The following DAG1 variants were observed in gnomAD, a reference collection of about 807,000 sequenced individuals.
DAG1 encodes dystroglycan 1 (dystrophin-associated glycoprotein 1).
A neutral mutation model predicts 46.1 loss-of-function variants in DAG1; 8 were observed. The ratio of observed to expected loss-of-function variants is 0.17; its 90% CI spans 0.10 to 0.31. DAG1 has a LOEUF of 0.31. DAG1 is among the 10% of genes least tolerant of loss of function. The pLI is 1.00. For synonymous variants in DAG1, 495 were observed against 481.8 expected (o/e 1.03, Z -0.36); for missense variants, 1,003 against 1,189.9 (o/e 0.84, Z 2.31).
At chr3:49,506,305 A>T (rs1041128853) in intron 1 of DAG1, among the ~76,000 whole-genome samples, 2 of 152,156 alleles carry the variant, frequency 1.3e-5, no homozygotes, top group African/African-American at 4.8e-5. Context: ...ACTTTATTGC[A>T]CTAGCTAGAA....
intron 1 of DAG1, among the ~76,000 whole-genome samples, chr3:49,499,649 A>G (rs1441218044): frequency 6.6e-6 from 1 of 152,196 alleles, no homozygotes; most frequent in East Asian, 1.9e-4. Flanking sequence ...CTGTCTGGAC[A>G]GAATGGGGTC....
chr3:49,493,075 T>C (rs2050230057), intron 1 of DAG1: 1 of 141,892 alleles, frequency 7.0e-6, no homozygotes, highest in African/African-American at 2.6e-5. Context: ...GACAGGGTCT[T>C]GCTCAGTCAC....
At chr3:49,516,431 G>A (rs1344621554) in intron 2 of DAG1, among the ~76,000 whole-genome samples, 1 of 152,226 alleles carries the variant, frequency 6.6e-6, no homozygotes, top group East Asian at 1.9e-4. Context: ...CTATGGTCTT[G>A]CCGTGTTTTG....
At chr3:49,492,400 A>G (rs2050212935) in intron 1 of DAG1, among the ~76,000 whole-genome samples, 1 of 152,172 alleles carries the variant, frequency 6.6e-6, no homozygotes, top group Non-Finnish European at 1.5e-5. Context: ...TAATCCCAGC[A>G]TTTTAGGAGG....
rs879577858 is a variant in DAG1 at position 49,501,916 on chromosome 3, C to T, written c.-116-8503C>T. 3.9e-5 allele frequency among the ~76,000 whole-genome samples: 6 copies of T among 152,098 alleles called. No homozygotes were observed. The East Asian group carries it at 5.8e-4, about 15-fold the overall frequency. On this transcript the variant is annotated intron_variant, in intron 1 of 2. Coordinates refer to ENST00000308775, the MANE Select transcript of DAG1 (RefSeq NM_004393.6). ...ACTGTAGGCCAAGCACAGTGGCTCA[C>T]GCCTGTTCCCAACACTTTGGGAGGC... is the stretch of plus-strand genomic sequence containing the variant.
intron 1 of DAG1, among the ~76,000 whole-genome samples, chr3:49,484,532 A>G (rs1379707385): frequency 6.6e-6 from 1 of 152,164 alleles, no homozygotes; most frequent in Non-Finnish European, 1.5e-5. Context: ...CTGAAGATAA[A>G]AATGGCTCCG....
intron 2 of DAG1, among the ~76,000 whole-genome samples, chr3:49,512,136 T>A (rs1228083655): frequency 6.6e-6 from 1 of 151,862 alleles, no homozygotes; most frequent in African/African-American, 2.4e-5. Flanking sequence ...GGCTTAAGCC[T>A]TCTTCCCTCT....
rs1019413076 is a variant in DAG1, at chr3:49,532,619, C to T, written c.2108C>T (p.Thr703Ile). The T allele has an allele frequency of 1.9e-6, 3 of 1,613,324 alleles. No individual in the cohort carries two copies. Among genetic ancestry groups the T allele is most frequent in the Admixed American group, 1.7e-5 (1 of 59,988 alleles). The stretch of plus-strand genomic sequence containing the variant: ...GCCCTAGAGCCTGACTTTAAGGCCA[C>T]AAGCATCACTGTGACGGGCTCTGGC... The part of the protein sequence containing the change: ...SNALEPDFKA[T>I]SITVTGSGSC... Residue 703 changes from threonine (T) to isoleucine (I), a missense_variant, in exon 3 of 3, where the codon ACA becomes ATA. Physicochemically the swap from Thr to Ile is moderately conservative, Grantham distance 89 (BLOSUM62 -1). Around this residue, in one of 3 missense-constraint regions of DAG1, gnomAD observed 755 missense variants for 854.1 expected, o/e 0.88. Transcript: ENST00000308775. The surrounding 1 kb of genome is among the most constrained non-coding windows in gnomAD (Gnocchi z 5.4).
chr3:49,487,837 C>G (rs1426297170), intron 1 of DAG1, among the ~76,000 whole-genome samples: 1 of 151,692 alleles, frequency 6.6e-6, no homozygotes, highest in African/African-American at 2.4e-5. Context: ...TTAGCTGGGA[C>G]TACAACAGGC....
intron 2 of DAG1, among the ~76,000 whole-genome samples, chr3:49,522,267 G>A (rs1405046897): frequency 6.6e-6 from 1 of 150,880 alleles, no homozygotes; most frequent in African/African-American, 2.4e-5. Context: ...CCTGACCTCA[G>A]GTGATCCGCT....
chr3:49,470,110 C>G (rs2049463819), upstream of DAG1: 2 of 151,488 alleles, frequency 1.3e-5, no homozygotes, highest in South Asian at 4.1e-4. Context: ...GCGGGTGCGG[C>G]GCGCTGCGGA....
At chr3:49,530,687 A>G in intron 2 of DAG1, 110 bp from the exon 3 acceptor site, 2 of 1,503,206 alleles carry the variant, frequency 1.3e-6, no homozygotes, top group Non-Finnish European at 1.8e-6. Flanking sequence ...CCCAGCAGGC[A>G]TTCTGAATTA....
rs374662670 is a variant in DAG1 at position 49,479,676 on chromosome 3, C to T, written c.-117+9243C>T. Among the ~76,000 whole-genome samples the T allele has an allele frequency of 5.6e-4, 56 of 99,198 alleles. 1 individual carries two copies. The highest frequency in any genetic ancestry group is 0.012 in the Middle Eastern group (1 of 82). The allele number at this position is 99,198 out of a possible 152,430, so 65.1% of individuals were successfully genotyped here. ...TTTTTGAGACCGAGTCTCCCTCTGT[C>T]ACCTGGGCTGGAGTGCAGTGGCTCG... On this transcript the variant is annotated intron_variant, in intron 1 of 2. Coordinates refer to ENST00000308775, the MANE Select transcript of DAG1 (RefSeq NM_004393.6).
At chr3:49,489,886 G>A (rs1303352606) in intron 1 of DAG1, among the ~76,000 whole-genome samples, 4 of 151,856 alleles carry the variant, frequency 2.6e-5, no homozygotes, top group African/African-American at 7.3e-5. Flanking sequence ...TGGACAAAGC[G>A]CTGGGGTTTG....
At chr3:49,482,079 A>T (rs2049897007) in intron 1 of DAG1, among the ~76,000 whole-genome samples, 1 of 152,204 alleles carries the variant, frequency 6.6e-6, no homozygotes, top group South Asian at 2.1e-4. Flanking sequence ...ATACAGGAAG[A>T]TGTTTAAGGG....
At position 49,531,953 on chromosome 3, in the gene DAG1, GCAC is replaced by G. The variant is rs1559579465; in HGVS notation, c.1451_1453del (p.Thr484del). The G allele has an allele frequency of 6.2e-7, 1 of 1,614,112 alleles. No individual in the cohort carries two copies. Among genetic ancestry groups the G allele is most frequent in the Admixed American group, 1.7e-5 (1 of 60,022 alleles). On this transcript the variant is annotated inframe_deletion, in exon 3 of 3. Coordinates refer to ENST00000308775, the MANE Select transcript of DAG1 (RefSeq NM_004393.6). This position sits in a 1 kb window ranked among gnomAD's most constrained non-coding sequence, Gnocchi z 7.0. ...ACTGCCTCACCGCCTACTCGTATTC[GCAC>G]CACCACCAGTGGAGTGCCCCGTGGC...
chr3:49,487,142 G>C (rs2050057955), intron 1 of DAG1: 1 of 151,876 alleles, frequency 6.6e-6, no homozygotes, highest in African/African-American at 2.4e-5. Flanking sequence ...CACCTGCCTT[G>C]GCCTCCCAAA....
intron 2 of DAG1, among the ~76,000 whole-genome samples, chr3:49,516,819 G>C (rs554858219): frequency 1.3e-5 from 2 of 152,106 alleles, no homozygotes; most frequent in Non-Finnish European, 2.9e-5. Flanking sequence ...TGGGGGTTCA[G>C]ATCTGGGTGC....
intron 1 of DAG1, among the ~76,000 whole-genome samples, chr3:49,506,482 TTGTC>T (rs1225755869): frequency 1.3e-5 from 2 of 152,222 alleles, no homozygotes; most frequent in Non-Finnish European, 1.5e-5. Flanking sequence ...CTGTTCCTAT[TTGTC>T]TGAGAGTTTT....
Sources: gnomAD v4.1 joint callset for allele counts (sites outside exome capture counted in the v4.1 genomes callset) on GRCh38, gnomAD v4.1.1 for gene constraint, gnomAD v4.1.1 regional missense constraint, Gnocchi (gnomAD v3.1) non-coding constraint, MANE v1.5 for transcripts, NCBI Gene and HGNC (gene_info 2026-07-23, HGNC 2026-07-21) for gene names.